The following ARSB variants were observed in gnomAD, a reference collection of about 807,000 sequenced individuals.
The protein encoded by ARSB is N-acetylgalactosamine-4-sulfatase.
In ARSB, 41 loss-of-function variants were observed where a neutral mutation model predicts 50.9. The observed-to-expected ratio is 0.81, with a 90% CI of 0.63 to 1.04. The LOEUF (loss-of-function observed/expected upper bound fraction) is 1.04. ARSB is among the 50% of genes least tolerant of loss of function. The pLI is 0.00. For missense variants in ARSB, 672 were observed against 693.3 expected (o/e 0.97, Z 0.35); for synonymous variants, 269 against 284.8 (o/e 0.94, Z 0.56).
intron 6 of ARSB, among the ~76,000 whole-genome samples, chr5:78,810,048 G>A (rs1743748343): frequency 6.6e-6 from 1 of 152,228 alleles, no homozygotes; most frequent in Admixed American, 6.5e-5. Flanking sequence ...AAAAGGCACA[G>A]CTCCAAAGCT....
At chr5:78,889,566 A>G (rs1345640919) in intron 4 of ARSB, among the ~76,000 whole-genome samples, 1 of 152,210 alleles carries the variant, frequency 6.6e-6, no homozygotes, top group Admixed American at 6.5e-5. Context: ...TTTACTGTCT[A>G]GAAAAGAAAT....
At chr5:78,853,329 C>G (rs976751560) in intron 5 of ARSB, among the ~76,000 whole-genome samples, 15 of 152,172 alleles carry the variant, frequency 9.9e-5, no homozygotes, top group African/African-American at 3.4e-4. Flanking sequence ...CACTCCAGAC[C>G]CTGTTTGCCT....
intron 6 of ARSB, among the ~76,000 whole-genome samples, chr5:78,831,462 G>A (rs1357495936): frequency 6.6e-6 from 1 of 152,086 alleles, no homozygotes; most frequent in Non-Finnish European, 1.5e-5. Flanking sequence ...AGGCTAATGT[G>A]ACTACTCGAC....
intron 4 of ARSB, among the ~76,000 whole-genome samples, chr5:78,909,794 T>C (rs1249424281): frequency 2.6e-5 from 4 of 152,188 alleles, no homozygotes. Context: ...GTGAAGGGTC[T>C]GTGCTGAGGA....
At chr5:78,935,913 T>TCTCTCCTCCCCTCTC (rs1561511437) in intron 4 of ARSB, among the ~76,000 whole-genome samples, 6 of 147,512 alleles carry the variant, frequency 4.1e-5, no homozygotes, top group African/African-American at 1.5e-4. Context: ...TTTTTCGTTC[T>TCTCTCCTCCCCTCTC]CTCTCCTCCC....
At chr5:78,831,592 C>T (rs1175600571) in intron 6 of ARSB, among the ~76,000 whole-genome samples, 4 of 152,254 alleles carry the variant, frequency 2.6e-5, no homozygotes, top group Admixed American at 6.5e-5. Flanking sequence ...GGACACAAAG[C>T]GATGAGACCT....
chr5:78,895,040 C>T (rs1748499885), intron 4 of ARSB, among the ~76,000 whole-genome samples: 1 of 152,184 alleles, frequency 6.6e-6, no homozygotes, highest in Admixed American at 6.5e-5. Context: ...CCAAACCAAC[C>T]AACCAAACAA....
At chr5:78,851,944 C>T (rs1460193814) in intron 5 of ARSB, among the ~76,000 whole-genome samples, 1 of 152,044 alleles carries the variant, frequency 6.6e-6, no homozygotes, top group Non-Finnish European at 1.5e-5. Context: ...TATTTTGAGC[C>T]TTTGTGTGTC....
At chr5:78,893,704 G>T (rs73126647) in intron 4 of ARSB, among the ~76,000 whole-genome samples, 5 of 152,192 alleles carry the variant, frequency 3.3e-5, no homozygotes, top group African/African-American at 1.2e-4. Context: ...ATCTTTAGAT[G>T]AAAGTTGTAA....
chr5:78,953,386 A>G (rs927062760), intron 4 of ARSB, among the ~76,000 whole-genome samples: 3 of 152,266 alleles, frequency 2.0e-5, no homozygotes, highest in African/African-American at 7.2e-5. Flanking sequence ...TTTGTGCTTC[A>G]GTTCTCACAT....
intron 4 of ARSB, among the ~76,000 whole-genome samples, chr5:78,942,675 CA>C (rs773094221): frequency 5.3e-5 from 8 of 152,148 alleles, no homozygotes; most frequent in Non-Finnish European, 8.8e-5. Flanking sequence ...TGTTCTTTTA[CA>C]TTTGCTGAGT....
chr5:78,780,590 T>C lies in ARSB; in HGVS notation c.1409A>G (p.Lys470Arg). Residue 470 changes from lysine (K) to arginine (R), a missense_variant, in exon 8 of 8, where the codon AAG (lysine) becomes AGG (arginine). Transcript: ENST00000264914. ...ATCAATATCAAAGAGCCAGAGGGTC[T>C]TGGTTGGTGGGTCTGATGAGGGTAT... ...SEIPSSDPPT[K>R]TLWLFDIDRD... The C allele has an allele frequency of 6.2e-7, 1 of 1,614,104 alleles. No homozygotes were observed. Among genetic ancestry groups the C allele is most frequent in the Non-Finnish European group, 8.5e-7 (1 of 1,179,996 alleles).
At chr5:78,833,874 A>AAACTGTTC (rs1409559508) in intron 6 of ARSB, among the ~76,000 whole-genome samples, 1 of 152,226 alleles carries the variant, frequency 6.6e-6, no homozygotes, top group Admixed American at 6.5e-5. Context: ...AAGCTGAATG[A>AAACTGTTC]ACAGTTTCAA....
chr5:78,818,673 G>A (rs1029476136), intron 6 of ARSB, among the ~76,000 whole-genome samples: 14 of 134,708 alleles, frequency 1.0e-4, no homozygotes, highest in South Asian at 2.3e-4. Context: ...GTGCAGTGGC[G>A]TGATCTCAAT....
chr5:78,880,582 C>T (rs931008466), intron 5 of ARSB, among the ~76,000 whole-genome samples: 9 of 152,166 alleles, frequency 5.9e-5, no homozygotes, highest in Non-Finnish European at 8.8e-5. Context: ...CAAGCCAAAC[C>T]GCTACAGCCT....
intron 4 of ARSB, among the ~76,000 whole-genome samples, chr5:78,923,281 C>G (rs773703827): frequency 5.3e-5 from 8 of 152,204 alleles, no homozygotes; most frequent in African/African-American, 9.7e-5. Context: ...CCACTGGTTC[C>G]CAATGAGTAA....
At chr5:78,852,201 A>G (rs143712521) in intron 5 of ARSB, among the ~76,000 whole-genome samples, 2,573 of 152,164 alleles carry the variant, frequency 0.017, 79 homozygotes, top group South Asian at 0.11. Context: ...GCTGGTACCG[A>G]TTGTTCCTTT....
chr5:78,803,624 C>A (rs1484539430), intron 6 of ARSB, among the ~76,000 whole-genome samples: 35 of 152,200 alleles, frequency 2.3e-4, no homozygotes, highest in Non-Finnish European at 1.2e-4. Context: ...CCCACAGAAA[C>A]AGTGCTGGTC....
At chr5:78,964,749 A>T in intron 2 of ARSB, 143 bp from the exon 3 acceptor site, 1 of 794,780 alleles carries the variant, frequency 1.3e-6, no homozygotes, top group Middle Eastern at 2.5e-4. Context: ...CCATTTCTCA[A>T]CATGTCTATA....
Sources: allele counts gnomAD v4.1 joint callset (sites outside exome capture counted in the v4.1 genomes callset), GRCh38; gene constraint gnomAD v4.1.1; transcripts MANE v1.5; gene names NCBI Gene and HGNC (gene_info 2026-07-23, HGNC 2026-07-21).